Variants in RUVBL1 observed in about 807,000 individuals in gnomAD.
RUVBL1 encodes the protein RuvB like AAA ATPase 1.
A neutral mutation model predicts 52.4 loss-of-function variants in RUVBL1; 4 were observed. That is an observed-to-expected ratio of 0.08 (90% CI 0.04 to 0.17). The LOEUF is 0.17. RUVBL1 is among the 10% of genes least tolerant of loss of function. RUVBL1 has a pLI of 1.00. For missense variants in RUVBL1, 298 were observed against 572.8 expected, an observed-to-expected ratio of 0.52 and a Z score of 4.90; for synonymous variants, 217 against 214.4, an observed-to-expected ratio of 1.01 and a Z score of -0.10.
intron 1 of RUVBL1, among the ~76,000 whole-genome samples, chr3:128,145,355 G>T (rs1944086944): frequency 6.6e-6 from 1 of 152,206 alleles, no homozygotes; most frequent in Non-Finnish European, 1.5e-5. Flanking sequence ...CACAAGCAGT[G>T]TCTGTGCTTT....
chr3:128,131,465 G>A (rs1181168124), intron 1 of RUVBL1, among the ~76,000 whole-genome samples: 2 of 151,968 alleles, frequency 1.3e-5, no homozygotes, highest in Non-Finnish European at 2.9e-5. Context: ...GTCACAGAGC[G>A]AGACTCCATC....
chr3:128,134,630 T>A (rs4857868), intron 1 of RUVBL1, among the ~76,000 whole-genome samples: 128,558 of 150,436 alleles, frequency 0.85, 55,070 homozygotes, highest in African/African-American at 0.91. Context: ...CTACAAAAAA[T>A]AAAAATAAAA....
Position 128,067,339 on chromosome 3 carries a change from TC to T in RUVBL1, c.940-2120del. 3.5e-6 allele frequency: 5 copies of T among 1,448,266 alleles called. No homozygotes were observed. Among genetic ancestry groups the T allele is most frequent in the Non-Finnish European group, 2.8e-6 (3 of 1,063,278 alleles). 89.7% of individuals were successfully genotyped at this position (1,448,266 alleles called of 1,614,324 possible). ...GGGCACCGAGTAAAATTGCATTCTT[TC>T]ATCTGCTCAGAACTATTTTTGCCTT... On this transcript the variant is annotated intron_variant, in intron 9 of 9. Transcript: ENST00000464873. This position sits in a 1 kb window ranked among gnomAD's most constrained non-coding sequence, Gnocchi z 4.1.
At position 128,081,148 on chromosome 3, in the gene RUVBL1, T is replaced by C; in HGVS notation, c.*102A>G. The C allele has an allele frequency of 8.2e-7, 1 of 1,225,108 alleles. No homozygotes were observed. The highest frequency in any genetic ancestry group is 1.2e-6 in the Non-Finnish European group (1 of 863,052). The allele number at this position is 1,225,108 out of a possible 1,614,324, so 75.9% of individuals were successfully genotyped here. A position where few individuals can be genotyped will look rare whatever the true frequency, so the allele number is the denominator to read the frequency against. ...AACTGACAGCGCTGCAGACCACGCC[T>C]GAGTGGGGACGGCAGCCCCAAGCCC... On this transcript the variant is annotated 3_prime_UTR_variant, in exon 11 of 11. Transcript: ENST00000322623. The surrounding 1 kb of genome is among the most constrained non-coding windows in gnomAD (Gnocchi z 4.8).
At chr3:128,097,598 G>A in intron 7 of RUVBL1, 100 bp from the exon 8 acceptor site, 2 of 1,063,892 alleles carry the variant, frequency 1.9e-6, no homozygotes, top group Admixed American at 1.9e-5. Context: ...CATGCTAGGA[G>A]CCTAGTTTTC....
In RUVBL1 at chr3:128,123,611, C is replaced by G. The variant is rs542842166; in HGVS notation, c.114G>C (p.Gly38=). Residue 38 remains glycine (G), a synonymous_variant, in exon 1 of 11, where the codon GGG becomes GGC. Transcript: ENST00000322623. ...ESGLAKQAAS[G]LVGQENAREA... is the part of the protein sequence containing the mutation. ...CTCGCGCGTTCTCCTGGCCCACAAGCCCTGAGGCCGCCTGCTTGGCCAAGC... is the reference window on the plus strand; with the variant it reads ...CTCGCGCGTTCTCCTGGCCCACAAGGCCTGAGGCCGCCTGCTTGGCCAAGC... 6.2e-7 allele frequency: 1 copy of G among 1,611,038 alleles called. No homozygotes were observed. Among genetic ancestry groups the G allele is most frequent in the African/African-American group, 1.3e-5 (1 of 75,028 alleles).
chr3:128,101,281 T>G (rs1219388988), intron 5 of RUVBL1, among the ~76,000 whole-genome samples: 2 of 152,232 alleles, frequency 1.3e-5, no homozygotes, highest in Non-Finnish European at 2.9e-5. Context: ...TAAAGTTGTT[T>G]TGGTTTCTCA....
intron 9 of RUVBL1, among the ~76,000 whole-genome samples, chr3:128,085,770 G>A (rs1216240337): frequency 6.6e-6 from 1 of 152,058 alleles, no homozygotes; most frequent in African/African-American, 2.4e-5. Context: ...GCCCAGGAGA[G>A]GCCCTGACTG....
chr3:128,107,527 G>C (rs1576463545), intron 3 of RUVBL1, among the ~76,000 whole-genome samples: 1 of 152,110 alleles, frequency 6.6e-6, no homozygotes, highest in African/African-American at 2.4e-5. Context: ...TTTTAAATGT[G>C]GTCATTATCT....
intron 9 of RUVBL1, among the ~76,000 whole-genome samples, chr3:128,068,425 ACT>A (rs1026045476): frequency 6.6e-6 from 1 of 152,108 alleles, no homozygotes. Flanking sequence ...GAGGAGGGTC[ACT>A]CTGAGCTCAG....
chr3:128,097,207 G>A (rs939009037), intron 8 of RUVBL1, 93 bp downstream of exon 8: 1 of 1,260,306 alleles, frequency 7.9e-7, no homozygotes, highest in Non-Finnish European at 1.1e-6. Context: ...CCTCATCCCT[G>A]TCCCACCTCA....
At position 128,082,671 on chromosome 3, in the gene RUVBL1, G is replaced by A. The variant is rs1404691902; in HGVS notation, c.1120-97C>T. 2.0e-6 allele frequency: 2 copies of A among 1,010,302 alleles called. No individual in the cohort carries two copies. The highest frequency in any genetic ancestry group is 2.9e-6 in the Non-Finnish European group (2 of 687,128). The allele number at this position is 1,010,302 out of a possible 1,614,324, so 62.6% of individuals were successfully genotyped here. On this transcript the variant is annotated intron_variant, in intron 9 of 10. Transcript: ENST00000322623. This position sits in a 1 kb window ranked among gnomAD's most constrained non-coding sequence, Gnocchi z 4.7. The stretch of plus-strand genomic sequence containing the variant: ...CAATGTTGCTCAGATTTCTCACTGT[G>A]CAGCATAAGAGAAACTGAGACCTGG...
chr3:128,074,842 C>CAAAAAAAAAAAAAAAAAAA (rs386397876), intron 9 of RUVBL1, among the ~76,000 whole-genome samples: 2 of 72,798 alleles, frequency 2.7e-5, no homozygotes, highest in African/African-American at 4.9e-5. Context: ...AACTCCGTCT[C>CAAAAAAAAAAAAAAAAAAA]AAAAAAAAAA....
At chr3:128,147,491 A>G (rs1411739538) in intron 1 of RUVBL1, among the ~76,000 whole-genome samples, 1 of 152,236 alleles carries the variant, frequency 6.6e-6, no homozygotes, top group Non-Finnish European at 1.5e-5. Flanking sequence ...GGATGGTTTG[A>G]GCCCAGGAGT....
chr3:128,151,561 AT>A (rs900381141), intron 1 of RUVBL1, among the ~76,000 whole-genome samples: 4 of 151,788 alleles, frequency 2.6e-5, no homozygotes, highest in Admixed American at 6.6e-5. Flanking sequence ...TTACTACTAG[AT>A]TTTTTTTAAT....
intron 3 of RUVBL1, among the ~76,000 whole-genome samples, chr3:128,110,434 C>T (rs1943359578): frequency 6.6e-6 from 1 of 152,066 alleles, no homozygotes; most frequent in Non-Finnish European, 1.5e-5. Context: ...GAGTTAAAGG[C>T]CAGCCTGGGC....
At chr3:128,132,454 A>G (rs999792783) in intron 1 of RUVBL1, among the ~76,000 whole-genome samples, 2 of 152,196 alleles carry the variant, frequency 1.3e-5, no homozygotes, top group Non-Finnish European at 2.9e-5. Flanking sequence ...AAAGCCAGGC[A>G]GCGCAGCTTG....
At chr3:128,143,173 ATTTT>A in intron 1 of RUVBL1, among the ~76,000 whole-genome samples, 1 of 133,128 alleles carries the variant, frequency 7.5e-6, no homozygotes, top group African/African-American at 2.9e-5. Context: ...ACCCTTATCT[ATTTT>A]TTTTTTTTTT....
At chr3:128,135,940 C>T (rs1227719946) in intron 1 of RUVBL1, among the ~76,000 whole-genome samples, 2 of 151,940 alleles carry the variant, frequency 1.3e-5, no homozygotes, top group Non-Finnish European at 2.9e-5. Flanking sequence ...ATCATAGAAA[C>T]AACAAAAAGT....
Sources: allele counts gnomAD v4.1 joint callset (sites outside exome capture counted in the v4.1 genomes callset), GRCh38; gene constraint gnomAD v4.1.1; non-coding constraint Gnocchi (gnomAD v3.1); transcripts MANE v1.5; gene names NCBI Gene and HGNC (gene_info 2026-07-23, HGNC 2026-07-21).